The following FARP2 variants were observed in gnomAD, a reference collection of about 807,000 sequenced individuals.
FARP2 encodes FERM, ARH/RhoGEF and pleckstrin domain protein 2.
FARP2 carries 111 observed loss-of-function variants against 130.5 expected under a neutral mutation model. That is an observed-to-expected ratio of 0.85 (90% CI 0.73 to 1.00). FARP2 has a LOEUF of 1.00. Among genes scored for constraint, FARP2 ranks in the 50% least tolerant of loss-of-function variants. The probability of loss-of-function intolerance (pLI) is 0.00; values close to 1 mark genes in which losing one functional copy is unlikely to be tolerated. For synonymous variants in FARP2, 504 were observed against 516.9 expected, an observed-to-expected ratio of 0.98 and a Z score of 0.34; for missense variants, 1,385 against 1,346.3, an observed-to-expected ratio of 1.03 and a Z score of -0.45.
At chr2:241,470,584 ACTACT>A (rs989576229) in intron 18 of FARP2, among the ~76,000 whole-genome samples, 1 of 147,504 alleles carries the variant, frequency 6.8e-6, no homozygotes, top group Non-Finnish European at 1.5e-5. Flanking sequence ...TGAGGGAAAC[ACTACT>A]CTAAGAGAAC....
At chr2:241,478,573 C>A in intron 19 of FARP2, 1 of 489,030 alleles carries the variant, frequency 2.0e-6, no homozygotes, top group Non-Finnish European at 4.2e-6. Flanking sequence ...TGGACAGAGA[C>A]CCCACCTATT....
intron 14 of FARP2, among the ~76,000 whole-genome samples, chr2:241,457,281 C>T (rs1312724982): frequency 1.3e-5 from 2 of 152,232 alleles, no homozygotes; most frequent in Non-Finnish European, 2.9e-5. Context: ...CCCTCCCGTC[C>T]TCCCTCCTTT....
chr2:241,395,132 A>T (rs79994854), intron 2 of FARP2, among the ~76,000 whole-genome samples: 1 of 152,176 alleles, frequency 6.6e-6, no homozygotes, highest in Non-Finnish European at 1.5e-5. Context: ...CCAAGTGGAA[A>T]CCAGGATTCC....
In FARP2 at chr2:241,493,365, C is replaced by A. The variant is rs762443520; in HGVS notation, c.2968C>A (p.His990Asn). Residue 990 changes from histidine (H) to asparagine (N), a missense_variant, in exon 26 of 27, where the codon CAC becomes AAC. By Grantham distance (68) the His-to-Asn change is moderately conservative (BLOSUM62 1). Coordinates refer to ENST00000264042, the MANE Select transcript of FARP2 (RefSeq NM_014808.4). The part of the protein sequence containing the change: ...VSIPREADGI[H>N]KDYVFKLQFK... ...CATCCCCAGGGAGGCCGATGGCATA[C>A]ACAAAGACTATGTTTTCAAGCTCCA... The A allele has an allele frequency of 1.9e-5, 30 of 1,613,882 alleles. No individual in the cohort carries two copies. The highest frequency in any genetic ancestry group is 2.4e-5 in the Non-Finnish European group (28 of 1,179,968).
chr2:241,484,301 C>A lies in FARP2; in HGVS notation c.2391C>A (p.Ile797=), dbSNP rs756969379. 1 of 1,614,178 alleles carries A rather than the reference C, an allele frequency of 6.2e-7. No individual in the cohort carries two copies. The highest frequency in any genetic ancestry group is 8.5e-7 in the Non-Finnish European group (1 of 1,180,002). The change falls in exon 21 of 27, where the codon ATC becomes ATA. Residue 797 remains isoleucine (I), a synonymous_variant. Transcript: ENST00000264042. Reference sequence around the variant, plus strand: ...TTGCAGGGACCAGCCACTTCCGGATCCGGGGCCTCCTTCCCCTCCAAGGCA... The same window carrying A: ...TTGCAGGGACCAGCCACTTCCGGATACGGGGCCTCCTTCCCCTCCAAGGCA... ...KGVAGTSHFR[I]RGLLPLQGML... is the part of the protein sequence containing the mutation.
At chr2:241,457,709 G>A (rs1485562819) in intron 14 of FARP2, among the ~76,000 whole-genome samples, 1 of 140,870 alleles carries the variant, frequency 7.1e-6, no homozygotes, top group Non-Finnish European at 1.5e-5. Flanking sequence ...GGTGCACTAA[G>A]GACCGCTTTG....
At chr2:241,484,128 C>A in intron 20 of FARP2, 114 bp from the exon 21 acceptor site, 1 of 1,491,954 alleles carries the variant, frequency 6.7e-7, no homozygotes. Context: ...CAAAAATCTC[C>A]AGCAAGCTGC....
chr2:241,468,897 ACT>A (rs2064240735), intron 18 of FARP2, among the ~76,000 whole-genome samples: 1 of 152,174 alleles, frequency 6.6e-6, no homozygotes, highest in Non-Finnish European at 1.5e-5. Context: ...AAAAGAGTAA[ACT>A]CTGACCTTTT....
At chr2:241,384,204 T>G (rs2061732604) in intron 2 of FARP2, among the ~76,000 whole-genome samples, 1 of 152,112 alleles carries the variant, frequency 6.6e-6, no homozygotes, top group South Asian at 2.1e-4. Context: ...AAATTTAGAC[T>G]GGTCATTAAA....
At chr2:241,375,241 GC>G (rs1364304601) in intron 2 of FARP2, among the ~76,000 whole-genome samples, 1 of 152,098 alleles carries the variant, frequency 6.6e-6, no homozygotes, top group African/African-American at 2.4e-5. Context: ...GTGAGCCACC[GC>G]GCCCAGCCCC....
At chr2:241,480,572 A>G (rs1228631648) in intron 19 of FARP2, among the ~76,000 whole-genome samples, 1 of 152,012 alleles carries the variant, frequency 6.6e-6, no homozygotes, top group Non-Finnish European at 1.5e-5. Context: ...ACAATTCACT[A>G]AAATTTATTC....
chr2:241,444,838 C>T (rs756265140), intron 13 of FARP2: 1 of 152,202 alleles, frequency 6.6e-6, no homozygotes, highest in Non-Finnish European at 1.5e-5. Context: ...AAGGAACCCG[C>T]ATCACCTCAA....
intron 8 of FARP2, among the ~76,000 whole-genome samples, chr2:241,423,966 T>TA (rs2062870437): frequency 6.6e-6 from 1 of 152,116 alleles, no homozygotes; most frequent in Admixed American, 6.6e-5. Flanking sequence ...AGCAAGTTCT[T>TA]AAAGATCTAA....
At chr2:241,429,709 C>T (rs117734513) in intron 8 of FARP2, among the ~76,000 whole-genome samples, 1 of 150,974 alleles carries the variant, frequency 6.6e-6, no homozygotes. Context: ...CATAGCAAGA[C>T]CCCATCTCTA....
Position 241,491,605 on chromosome 2 carries a change from G to A in FARP2, c.2713G>A (p.Ala905Thr), listed in dbSNP as rs148054452. ...SSLEGHGQHR[A>T]NTTMHVCWYR... The stretch of plus-strand genomic sequence containing the variant: ...CCTGGAGGGGCATGGCCAGCACCGG[G>A]CCAACACCACAATGCACGTGTGCTG... The change falls in exon 24 of 27, where the codon GCC (alanine) becomes ACC (threonine). Residue 905 changes from alanine (A) to threonine (T), a missense_variant. Ala to Thr is a moderately conservative substitution (Grantham distance 58, BLOSUM62 0). Coordinates refer to ENST00000264042, the MANE Select transcript of FARP2 (RefSeq NM_014808.4). The A allele has an allele frequency of 6.2e-7, 1 of 1,613,730 alleles. No individual in the cohort carries two copies. Among genetic ancestry groups the A allele is most frequent in the Non-Finnish European group, 8.5e-7 (1 of 1,179,988 alleles).
intron 2 of FARP2, among the ~76,000 whole-genome samples, chr2:241,384,072 A>G (rs1430988788): frequency 6.7e-6 from 1 of 149,676 alleles, no homozygotes; most frequent in Non-Finnish European, 1.5e-5. Context: ...AGTGTCAGAG[A>G]TATTCTGACA....
intron 17 of FARP2, chr2:241,466,310 G>C: frequency 1.0e-6 from 1 of 985,420 alleles, no homozygotes; most frequent in Non-Finnish European, 1.2e-6. Flanking sequence ...TGGAAAGAGG[G>C]GCCCTTGGCC....
Position 241,463,439 on chromosome 2 carries a change from G to A in FARP2, c.1782G>A (p.Leu594=). The A allele has an allele frequency of 1.2e-6, 2 of 1,613,984 alleles. No homozygotes were observed. Among genetic ancestry groups the A allele is most frequent in the Non-Finnish European group, 1.7e-6 (2 of 1,180,020 alleles). The change falls in exon 16 of 27, where the codon CTG becomes CTA. Residue 594 remains leucine (L), a synonymous_variant. Transcript: ENST00000264042. ...TCTATGAGTTCCACAGAGGCTTCCT[G>A]CGCGAGGTGGAGCAGAGGCTGGCAC... The part of the protein sequence containing the change: ...DPIYEFHRGF[L]REVEQRLALW...
intron 9 of FARP2, 142 bp downstream of exon 9, chr2:241,431,916 G>A (rs2063102152): frequency 4.3e-6 from 1 of 233,528 alleles, no homozygotes; most frequent in Non-Finnish European, 7.8e-6. Flanking sequence ...CTGCCTCCCG[G>A]GTTCAAGCGA....
Sources: gnomAD v4.1 joint callset for allele counts (sites outside exome capture counted in the v4.1 genomes callset) on GRCh38, gnomAD v4.1.1 for gene constraint, MANE v1.5 for transcripts, NCBI Gene and HGNC (gene_info 2026-07-23, HGNC 2026-07-21) for gene names.